Variants in DUXA observed in about 807,000 individuals in gnomAD.
DUXA encodes the protein double homeobox A, also known as double homeobox protein A.
In DUXA, 25 loss-of-function variants were observed where a neutral mutation model predicts 27.5. That is an observed-to-expected ratio of 0.91 (90% CI 0.66 to 1.27). The LOEUF (loss-of-function observed/expected upper bound fraction) is 1.27, where lower values mean the gene tolerates loss of function less well. DUXA is among the 50% of genes most tolerant of loss of function. The probability of loss-of-function intolerance (pLI) is 0.00; values close to 1 mark genes in which losing one functional copy is unlikely to be tolerated. For synonymous variants in DUXA, 90 were observed against 80.5 expected (o/e 1.12, Z -0.63); for missense variants, 247 against 242.9 (o/e 1.02, Z -0.11).
intron 1 of DUXA, among the ~76,000 whole-genome samples, chr19:57,165,324 A>AAATATATATATATAT (rs1491567041): frequency 8.5e-4 from 76 of 89,250 alleles, no homozygotes; most frequent in East Asian, 1.5e-3. Context: ...AAAAAAAAAA[A>AAATATATATATATAT]ATATATATAT....
chr19:57,165,269 T>C (rs944509497), intron 1 of DUXA, among the ~76,000 whole-genome samples: 7 of 142,554 alleles, frequency 4.9e-5, no homozygotes, highest in Non-Finnish European at 9.1e-5. Flanking sequence ...CACTCCTAAA[T>C]CCATTTTGCT....
chr19:57,161,324 C>CAAAAAAAAAAAAAAAAAAAAAAA (rs71186230), intron 1 of DUXA, among the ~76,000 whole-genome samples: 1 of 47,380 alleles, frequency 2.1e-5, no homozygotes, highest in African/African-American at 1.4e-4. Flanking sequence ...GACTCTATCT[C>CAAAAAAAAAAAAAAAAAAAAAAA]AAAAAAAAAA....
Position 57,156,484 on chromosome 19 carries a change from C to T in DUXA, c.439-1112G>A, listed in dbSNP as rs112558701. Among the ~76,000 whole-genome samples the T allele has an allele frequency of 3.9e-3, 589 of 152,298 alleles. 4 individuals are homozygous for T. The highest frequency in any genetic ancestry group is 0.013 in the African/African-American group (553 of 41,572). On this transcript the variant is annotated intron_variant, in intron 4 of 5. Transcript: ENST00000554048. ...TGGTGCGATCACAGTTCACTGCAGC[C>T]TCAACCTCCTGGGCTCAAGTGATGC...
At chr19:57,161,740 C>T (rs2087025093) in intron 1 of DUXA, among the ~76,000 whole-genome samples, 1 of 151,802 alleles carries the variant, frequency 6.6e-6, no homozygotes. Flanking sequence ...GGATTAGAAA[C>T]AATCTAAGTC....
chr19:57,164,530 G>T (rs762106250), intron 1 of DUXA, among the ~76,000 whole-genome samples: 9 of 151,952 alleles, frequency 5.9e-5, no homozygotes, highest in Non-Finnish European at 1.3e-4. Context: ...AGCCGAGATT[G>T]CACCATTGCA....
At chr19:57,167,160 C>G (rs1383136880) in intron 1 of DUXA, among the ~76,000 whole-genome samples, 1 of 152,056 alleles carries the variant, frequency 6.6e-6, no homozygotes, top group East Asian at 1.9e-4. Flanking sequence ...CCACTCCTTC[C>G]TCCTCTCTTC....
intron 1 of DUXA, among the ~76,000 whole-genome samples, chr19:57,163,821 T>C (rs1339485671): frequency 6.6e-6 from 1 of 152,250 alleles, no homozygotes; most frequent in Non-Finnish European, 1.5e-5. Context: ...AAATACATTT[T>C]TGTCTTACAT....
chr19:57,160,664 A>T lies in DUXA; in HGVS notation c.159T>A (p.Asn53Lys). 1 of 1,613,142 alleles carries T rather than the reference A, an allele frequency of 6.2e-7. No individual in the cohort carries two copies. The highest frequency in any genetic ancestry group is 8.5e-7 in the Non-Finnish European group (1 of 1,180,016). Reference sequence around the variant, plus strand: ...TTACCTGGATTCTGGACTCTTCTGTATTGATTTCTAAAGCAAGTTTTTGTT... The same window carrying T: ...TTACCTGGATTCTGGACTCTTCTGTTTTGATTTCTAAAGCAAGTTTTTGTT... ...ATKQKLALEI[N>K]TEESRIQIWF... Residue 53 changes from asparagine (N) to lysine (K), a missense_variant, in exon 2 of 6, where the codon AAT (asparagine) becomes AAA (lysine). Transcript: ENST00000554048.
intron 1 of DUXA, among the ~76,000 whole-genome samples, chr19:57,164,566 A>C (rs2087041554): frequency 6.6e-6 from 1 of 152,012 alleles, no homozygotes. Flanking sequence ...CAGGAGTGAA[A>C]CTCCGTCTCA....
chr19:57,159,207 G>A lies in DUXA; in HGVS notation c.252C>T (p.Ser84=), dbSNP rs1192206510. 1 of 1,614,168 alleles carries A rather than the reference G, an allele frequency of 6.2e-7. No homozygotes were observed. Among genetic ancestry groups the A allele is most frequent in the Non-Finnish European group, 8.5e-7 (1 of 1,180,028 alleles). Residue 84 remains serine, a synonymous_variant, in exon 3 of 6, where the codon AGC becomes AGT. Coordinates refer to ENST00000554048, the MANE Select transcript of DUXA (RefSeq NM_001012729.2). ...KRPEAETLES[S]QSQGQDQPGV... is the part of the protein sequence containing the mutation. Reference sequence around the variant, plus strand: ...CAGGTTGATCTTGCCCCTGGCTCTGGCTTGATTCTAAAGTCTCAGCTTCTG... The same window carrying A: ...CAGGTTGATCTTGCCCCTGGCTCTGACTTGATTCTAAAGTCTCAGCTTCTG...
chr19:57,165,314 A>AT (rs1234294237), intron 1 of DUXA, among the ~76,000 whole-genome samples: 1 of 76,582 alleles, frequency 1.3e-5, no homozygotes, highest in African/African-American at 5.6e-5. Flanking sequence ...AGTAGGAAAA[A>AT]AAAAAAAAAA....
At position 57,167,403 on chromosome 19, in the gene DUXA, G is replaced by T; in HGVS notation, c.25+16C>A. ...CCCAAACCAACAAAAGCTCAGTCAA[G>T]CACAAGGGAACTTACTGTGTGAATA... On this transcript the variant is annotated intron_variant, in intron 1 of 5. Coordinates refer to ENST00000554048, the MANE Select transcript of DUXA (RefSeq NM_001012729.2). 1.9e-6 allele frequency: 3 copies of T among 1,613,336 alleles called. No individual in the cohort carries two copies. Among genetic ancestry groups the T allele is most frequent in the Non-Finnish European group, 2.5e-6 (3 of 1,179,772 alleles).
At chr19:57,159,609 C>A (rs142632767) in intron 2 of DUXA, among the ~76,000 whole-genome samples, 12 of 151,910 alleles carry the variant, frequency 7.9e-5, no homozygotes, top group African/African-American at 1.9e-4. Flanking sequence ...GATGGGGTTT[C>A]TCCATGTTGG....
chr19:57,164,591 A>ATTTT (rs2087042001), intron 1 of DUXA, among the ~76,000 whole-genome samples: 1 of 152,134 alleles, frequency 6.6e-6, no homozygotes, highest in Non-Finnish European at 1.5e-5. Flanking sequence ...AATAAAATTA[A>ATTTT]AAATAATTTT....
intron 1 of DUXA, among the ~76,000 whole-genome samples, chr19:57,161,540 G>A (rs911294058): frequency 1.6e-4 from 22 of 137,520 alleles, no homozygotes; most frequent in African/African-American, 4.4e-4. Context: ...GGAGAATGGC[G>A]TGAACCCGGG....
chr19:57,165,032 T>C (rs1187582469), intron 1 of DUXA, among the ~76,000 whole-genome samples: 2 of 152,098 alleles, frequency 1.3e-5, no homozygotes, highest in Non-Finnish European at 2.9e-5. Flanking sequence ...AAAAATGTCT[T>C]AGTATAATTA....
chr19:57,157,565 A>G (rs2086998657), intron 4 of DUXA, among the ~76,000 whole-genome samples: 1 of 151,986 alleles, frequency 6.6e-6, no homozygotes, highest in Non-Finnish European at 1.5e-5. Context: ...TCCTGACCTC[A>G]GGTGATCTGC....
rs1438799748 is a variant in DUXA, at chr19:57,154,222, A to G, written c.*190T>C. ...AGGCTGGTTTCAAACTCCTGAGCTC[A>G]AGCAATCTTCCTGCCTTGGCCTCCC... On this transcript the variant is annotated 3_prime_UTR_variant, in exon 6 of 6. Coordinates refer to ENST00000554048, the MANE Select transcript of DUXA (RefSeq NM_001012729.2). 1.9e-6 allele frequency: 1 copy of G among 534,050 alleles called. No homozygotes were observed. Among genetic ancestry groups the G allele is most frequent in the African/African-American group, 1.9e-5 (1 of 51,742 alleles). 33.1% of individuals were successfully genotyped at this position (534,050 alleles called of 1,614,324 possible).
At chr19:57,163,991 G>A (rs1461493380) in intron 1 of DUXA, among the ~76,000 whole-genome samples, 1 of 152,000 alleles carries the variant, frequency 6.6e-6, no homozygotes, top group East Asian at 1.9e-4. Context: ...CAGGACAGGT[G>A]GGTTCCTTGA....
Sources: allele counts gnomAD v4.1 joint callset (sites outside exome capture counted in the v4.1 genomes callset), GRCh38; gene constraint gnomAD v4.1.1; transcripts MANE v1.5; gene names NCBI Gene and HGNC (gene_info 2026-07-23, HGNC 2026-07-21).